KCNQ1: variants seen among roughly 807,000 people sequenced by gnomAD.
KCNQ1 encodes potassium voltage-gated channel subfamily KQT member 1.
KCNQ1 carries 49 observed loss-of-function variants against 72.4 expected under a neutral mutation model. The ratio of observed to expected loss-of-function variants is 0.68; its 90% CI spans 0.54 to 0.86. KCNQ1 has a LOEUF of 0.86. Ranked by LOEUF, KCNQ1 falls within the 40% of genes least tolerant of loss-of-function variation. The pLI, the probability that KCNQ1 is intolerant of heterozygous loss-of-function variation, is 0.00. For synonymous variants in KCNQ1, 450 were observed against 412.6 expected (o/e 1.09, Z -1.10); for missense variants, 790 against 945.1 (o/e 0.84, Z 2.15).
intron 1 of KCNQ1, among the ~76,000 whole-genome samples, chr11:2,511,561 G>A (rs111872376): frequency 0.011 from 1,642 of 152,296 alleles, 30 homozygotes; most frequent in African/African-American, 0.038. Flanking sequence ...CCGCTGTGTA[G>A]AGGTGCCAAC....
chr11:2,635,975 C>G (rs1346313060), intron 10 of KCNQ1: 7 of 152,138 alleles, frequency 4.6e-5, no homozygotes, highest in Non-Finnish European at 1.0e-4. Context: ...CATGATTTGG[C>G]TCTCTGTTTG....
rs79500518 is a variant in KCNQ1 at position 2,506,721 on chromosome 11, A to G, written c.387-21207A>G. Among the ~76,000 whole-genome samples, 93 of 152,352 alleles carry G rather than the reference A, an allele frequency of 6.1e-4. 1 individual carries two copies. Among genetic ancestry groups the G allele is most frequent in the African/African-American group, 2.0e-3 (84 of 41,590 alleles). On this transcript the variant is annotated intron_variant, in intron 1 of 15. Coordinates refer to ENST00000155840, the MANE Select transcript of KCNQ1 (RefSeq NM_000218.3). Reference sequence around the variant, plus strand: ...CACATTTGCACTCCCCCAGCAATGCATGAGCATACCGGTTTTTTCTACAGT... The same window carrying G: ...CACATTTGCACTCCCCCAGCAATGCGTGAGCATACCGGTTTTTTCTACAGT...
At chr11:2,777,510 G>A (rs1413397717) in intron 14 of KCNQ1, 1 of 540,718 alleles carries the variant, frequency 1.8e-6, no homozygotes, top group South Asian at 3.0e-5. Context: ...ACACGGGGCT[G>A]TGAGTCATTC....
At chr11:2,502,257 TC>T (rs887997157) in intron 1 of KCNQ1, among the ~76,000 whole-genome samples, 27 of 152,174 alleles carry the variant, frequency 1.8e-4, no homozygotes, top group Admixed American at 1.6e-3. Context: ...AGTCAAATTA[TC>T]CTTGTTTGCA....
intron 15 of KCNQ1, among the ~76,000 whole-genome samples, chr11:2,839,033 CAGGTGGG>C (rs1848146829): frequency 1.3e-5 from 2 of 152,044 alleles, no homozygotes; most frequent in Non-Finnish European, 2.9e-5. Context: ...GGCAGGTGGG[CAGGTGGG>C]CAGCTGCCTC....
intron 1 of KCNQ1, among the ~76,000 whole-genome samples, chr11:2,501,822 C>T (rs1027882250): frequency 6.6e-6 from 1 of 150,582 alleles, no homozygotes; most frequent in African/African-American, 2.5e-5. Flanking sequence ...GCAAATTCAG[C>T]AACACCTTAA....
chr11:2,479,901 G>C lies in KCNQ1; in HGVS notation c.386+34417G>C, dbSNP rs979703580. 2.0e-5 allele frequency among the ~76,000 whole-genome samples: 3 copies of C among 152,150 alleles called. No individual in the cohort carries two copies. The highest frequency in any genetic ancestry group is 3.9e-4 in the East Asian group (2 of 5,192). On this transcript the variant is annotated intron_variant, in intron 1 of 15. Coordinates refer to ENST00000155840, the MANE Select transcript of KCNQ1 (RefSeq NM_000218.3). The surrounding 1 kb of genome is among the most constrained non-coding windows in gnomAD (Gnocchi z 4.6). ...CACCTCTTGAAAGCTTTGCAGCTTAGAAATTTCTTCCACCAAATACCCTAA... is the reference window on the plus strand; with the variant it reads ...CACCTCTTGAAAGCTTTGCAGCTTACAAATTTCTTCCACCAAATACCCTAA...
intron 1 of KCNQ1, among the ~76,000 whole-genome samples, chr11:2,470,792 A>G (rs4486606): frequency 0.99 from 150,978 of 151,908 alleles, 75,025 homozygotes; most frequent in Middle Eastern, 1. Context: ...CTCCCACCTC[A>G]GCCTCCCATT....
In KCNQ1 at chr11:2,727,356, G is replaced by A. The variant is rs138025196; in HGVS notation, c.1515-41488G>A. Among the ~76,000 whole-genome samples the A allele has an allele frequency of 3.4e-3, 518 of 152,292 alleles. 3 individuals are homozygous for A. The highest frequency in any genetic ancestry group is 0.011 in the African/African-American group (471 of 41,558). ...TCATCTGTAAAACAGGGACAATCAC[G>A]GTAGCTACGTGTGGGGCGCAGGACG... On this transcript the variant is annotated intron_variant, in intron 11 of 15. Transcript: ENST00000155840.
Position 2,464,968 on chromosome 11 carries a change from G to T in KCNQ1, c.386+19484G>T, listed in dbSNP as rs1029346023. Among the ~76,000 whole-genome samples the T allele has an allele frequency of 1.3e-5, 2 of 152,154 alleles. No individual in the cohort carries two copies. Reference sequence around the variant, plus strand: ...CTGGGCACTGATGGGCTGGTCCAGTGCAGGGAGCTGCCCCGGCCGCCCCCG... The same window carrying T: ...CTGGGCACTGATGGGCTGGTCCAGTTCAGGGAGCTGCCCCGGCCGCCCCCG... On this transcript the variant is annotated intron_variant, in intron 1 of 15. Transcript: ENST00000155840. The surrounding 1 kb of genome is among the most constrained non-coding windows in gnomAD (Gnocchi z 5.0).
chr11:2,560,650 A>C (rs901463394), intron 2 of KCNQ1, among the ~76,000 whole-genome samples: 1 of 151,640 alleles, frequency 6.6e-6, no homozygotes, highest in African/African-American at 2.4e-5. Context: ...CTCCCCTTCC[A>C]CACCCCAAGT....
chr11:2,797,936 C>T (rs1396789618), intron 15 of KCNQ1, among the ~76,000 whole-genome samples: 1 of 152,218 alleles, frequency 6.6e-6, no homozygotes, highest in Admixed American at 6.5e-5. Flanking sequence ...GCCCAGGCTG[C>T]TCAGGGTCAT....
At position 2,735,753 on chromosome 11, in the gene KCNQ1, G is replaced by A. The variant is rs369121083; in HGVS notation, c.1515-33091G>A. ...CTGGGTCCTCCTGCAGCCTCTCTCC[G>A]TGGCTTGTAGACATCACCTTCCCCG... On this transcript the variant is annotated intron_variant, in intron 11 of 15. Transcript: ENST00000155840. The surrounding 1 kb of genome is among the most constrained non-coding windows in gnomAD (Gnocchi z 7.7). Among the ~76,000 whole-genome samples, 73 of 152,242 alleles carry A rather than the reference G, an allele frequency of 4.8e-4. No individual in the cohort carries two copies. The highest frequency in any genetic ancestry group is 3.1e-3 in the East Asian group (16 of 5,154).
At position 2,579,379 on chromosome 11, in the gene KCNQ1, G is replaced by C. The variant is rs1848465990; in HGVS notation, c.922-4056G>C. 6.6e-6 allele frequency among the ~76,000 whole-genome samples: 1 copy of C among 152,206 alleles called. No individual in the cohort carries two copies. Among genetic ancestry groups the C allele is most frequent in the South Asian group, 2.1e-4 (1 of 4,834 alleles). ...TGTGCGTTCCCCGCTCGCCCCCACAGTTCCTGCCATGGGCGTGACTTTGTG... is the reference window on the plus strand; with the variant it reads ...TGTGCGTTCCCCGCTCGCCCCCACACTTCCTGCCATGGGCGTGACTTTGTG... On this transcript the variant is annotated intron_variant, in intron 6 of 15. Transcript: ENST00000155840. The surrounding 1 kb of genome is among the most constrained non-coding windows in gnomAD (Gnocchi z 6.0).
rs1418911477 is a variant in KCNQ1, at chr11:2,830,947, G to A, written c.1795-16820G>A. On this transcript the variant is annotated intron_variant, in intron 15 of 15. Coordinates refer to ENST00000155840, the MANE Select transcript of KCNQ1 (RefSeq NM_000218.3). The surrounding 1 kb of genome is among the most constrained non-coding windows in gnomAD (Gnocchi z 7.7). Reference sequence around the variant, plus strand: ...CAAGGGTACCCTTGGGAGACCCCGTGCAGGTCTTGTCAAGGCAGGACAGGG... The same window carrying A: ...CAAGGGTACCCTTGGGAGACCCCGTACAGGTCTTGTCAAGGCAGGACAGGG... Among the ~76,000 whole-genome samples the A allele has an allele frequency of 1.3e-5, 2 of 152,234 alleles. No individual in the cohort carries two copies. The highest frequency in any genetic ancestry group is 1.5e-5 in the Non-Finnish European group (1 of 68,044).
Position 2,519,308 on chromosome 11 carries a change from T to TGA in KCNQ1, c.387-8614_387-8613dup, listed in dbSNP as rs1847339853. On this transcript the variant is annotated intron_variant, in intron 1 of 15. Transcript: ENST00000155840. ...GGGTGATGCCCTGTGGGCTGAATGG[T>TGA]GAGAGAGGCGTCCCTGTGCTGACAC... 2.0e-5 allele frequency among the ~76,000 whole-genome samples: 3 copies of TGA among 152,186 alleles called. No individual in the cohort carries two copies. The South Asian group carries it at 6.2e-4, about 31-fold the overall frequency.
chr11:2,643,442 C>T (rs1049196526), intron 10 of KCNQ1: 1 of 398,266 alleles, frequency 2.5e-6, no homozygotes. Context: ...TTTAGCTTAA[C>T]CTTTGTTTTA....
chr11:2,663,647 G>A lies in KCNQ1; in HGVS notation c.1514+1566G>A, dbSNP rs1211846465. The A allele has an allele frequency of 5.0e-6, 2 of 398,582 alleles. No individual in the cohort carries two copies. The highest frequency in any genetic ancestry group is 8.8e-6 in the Non-Finnish European group (2 of 226,110). The allele number at this position is 398,582 out of a possible 1,614,324, so 24.7% of individuals were successfully genotyped here. On this transcript the variant is annotated intron_variant, in intron 11 of 15. Transcript: ENST00000155840. This position sits in a 1 kb window ranked among gnomAD's most constrained non-coding sequence, Gnocchi z 5.2. ...TCCAGACATGCAAAAAGTCCTACTG[G>A]GAGGAGAGGGCCATCACCCACAGTC...
At chr11:2,732,527 G>A (rs1845872854) in intron 11 of KCNQ1, among the ~76,000 whole-genome samples, 1 of 152,218 alleles carries the variant, frequency 6.6e-6, no homozygotes, top group South Asian at 2.1e-4. Flanking sequence ...GAGGTGATGT[G>A]GATGCAGCCG....
Sources: allele counts gnomAD v4.1 joint callset (sites outside exome capture counted in the v4.1 genomes callset), GRCh38; gene constraint gnomAD v4.1.1; non-coding constraint Gnocchi (gnomAD v3.1); transcripts MANE v1.5; gene names NCBI Gene and HGNC (gene_info 2026-07-23, HGNC 2026-07-21).